UTS2B: variants seen among roughly 807,000 people sequenced by gnomAD.
UTS2B encodes urotensin-2B.
UTS2B carries 21 observed loss-of-function variants against 19.2 expected under a neutral mutation model. That is an observed-to-expected ratio of 1.09 (90% CI 0.78 to 1.58). The LOEUF (loss-of-function observed/expected upper bound fraction) is 1.58. Among genes scored for constraint, UTS2B ranks in the 40% most tolerant of loss-of-function variants. UTS2B has a pLI of 0.00. For missense variants in UTS2B, 138 were observed against 130.3 expected, an observed-to-expected ratio of 1.06 and a Z score of -0.29; for synonymous variants, 57 against 50.2, an observed-to-expected ratio of 1.14 and a Z score of -0.58.
At chr3:191,299,197 T>G (rs938067725) in intron 4 of UTS2B, among the ~76,000 whole-genome samples, 1 of 152,216 alleles carries the variant, frequency 6.6e-6, no homozygotes, top group Non-Finnish European at 1.5e-5. Context: ...CTGGGTAGAA[T>G]TTTAAGGCAG....
intron 2 of UTS2B, among the ~76,000 whole-genome samples, chr3:191,326,511 C>G (rs1277529203): frequency 6.6e-6 from 1 of 152,048 alleles, no homozygotes; most frequent in African/African-American, 2.4e-5. Flanking sequence ...AAAAAAAAAT[C>G]AATTGATGCC....
At chr3:191,329,623 G>C in intron 1 of UTS2B, 1 of 1,577,654 alleles carries the variant, frequency 6.3e-7, no homozygotes, top group Non-Finnish European at 8.6e-7. Context: ...GCTCGGCGCC[G>C]GCGGTGACCG....
intron 2 of UTS2B, among the ~76,000 whole-genome samples, chr3:191,320,025 T>G (rs1233550233): frequency 6.6e-6 from 1 of 152,120 alleles, no homozygotes; most frequent in Non-Finnish European, 1.5e-5. Flanking sequence ...CAATTATATG[T>G]CAACACTATT....
chr3:191,337,322 T>C, the UTS2B span, among the ~76,000 whole-genome samples: 1 of 152,238 alleles, frequency 6.6e-6, no homozygotes, highest in Admixed American at 6.5e-5. Context: ...TTATTGTTGA[T>C]TGAACTCTTA....
chr3:191,272,336 G>T (rs1026649484), intron 8 of UTS2B, among the ~76,000 whole-genome samples: 8 of 152,160 alleles, frequency 5.3e-5, no homozygotes, highest in African/African-American at 1.9e-4. Context: ...GAAAAATTAA[G>T]AGTTATTTTA....
the UTS2B span, among the ~76,000 whole-genome samples, chr3:191,338,490 A>T: frequency 6.6e-6 from 1 of 152,088 alleles, no homozygotes; most frequent in Non-Finnish European, 1.5e-5. Context: ...AGGGCTATTC[A>T]CTCTCAATGT....
At chr3:191,279,033 T>G (rs1716312712) in intron 5 of UTS2B, among the ~76,000 whole-genome samples, 1 of 152,084 alleles carries the variant, frequency 6.6e-6, no homozygotes, top group Non-Finnish European at 1.5e-5. Flanking sequence ...TACTGTGGTT[T>G]CAGCTAGAGA....
chr3:191,340,037 T>C, the UTS2B span, among the ~76,000 whole-genome samples: 1 of 152,352 alleles, frequency 6.6e-6, no homozygotes, highest in South Asian at 2.1e-4. Flanking sequence ...CATTTTTACA[T>C]GATGTATAAT....
the UTS2B span, among the ~76,000 whole-genome samples, chr3:191,340,467 A>T: frequency 6.6e-6 from 1 of 152,236 alleles, no homozygotes; most frequent in East Asian, 1.9e-4. Context: ...TATGCCAAAA[A>T]GTTTTAATCT....
intron 4 of UTS2B, among the ~76,000 whole-genome samples, chr3:191,291,731 C>A (rs1009322624): frequency 6.6e-6 from 1 of 152,126 alleles, no homozygotes; most frequent in South Asian, 2.1e-4. Flanking sequence ...GGATTACATG[C>A]GTGAGCCACC....
intron 3 of UTS2B, among the ~76,000 whole-genome samples, chr3:191,306,557 T>G (rs576578193): frequency 6.6e-6 from 1 of 152,252 alleles, no homozygotes; most frequent in African/African-American, 2.4e-5. Flanking sequence ...TCAGAAGACC[T>G]GCCTTGGAGT....
intron 6 of UTS2B, 43 bp downstream of exon 6, chr3:191,278,027 TTG>T: frequency 4.0e-6 from 4 of 1,008,164 alleles, no homozygotes; most frequent in Non-Finnish European, 5.7e-6. Flanking sequence ...ACAAAATAAA[TTG>T]TTATTTTTTA....
At chr3:191,300,802 C>G (rs1716979021) in intron 4 of UTS2B, among the ~76,000 whole-genome samples, 1 of 152,214 alleles carries the variant, frequency 6.6e-6, no homozygotes, top group Non-Finnish European at 1.5e-5. Flanking sequence ...TGCTCTTGCT[C>G]TGGCCATGTA....
intron 4 of UTS2B, among the ~76,000 whole-genome samples, chr3:191,286,698 C>G (rs562445535): frequency 6.6e-6 from 1 of 151,710 alleles, no homozygotes; most frequent in African/African-American, 2.4e-5. Flanking sequence ...CCTATTACAT[C>G]TCAAGAAACT....
chr3:191,275,470 G>A (rs1431150518), intron 7 of UTS2B, 125 bp from the exon 8 acceptor site: 3 of 677,490 alleles, frequency 4.4e-6, no homozygotes, highest in Non-Finnish European at 5.2e-6. Flanking sequence ...CACGAGGTCA[G>A]GCGATCAAGA....
rs79488711 is a variant in UTS2B, at chr3:191,329,141, C to G, written c.-664-432G>C. ...CCTTTTTGTTGAGGCCTTTAGGATA[C>G]AAGGCCCCCACCTAAAGACGCGACC... On this transcript the variant is annotated intron_variant, in intron 1 of 8. Transcript: ENST00000340524. The G allele has an allele frequency of 0.017, 2,586 of 156,168 alleles. 75 individuals carry two copies. Among genetic ancestry groups the G allele is most frequent in the African/African-American group, 0.059 (2,471 of 41,602 alleles). 9.7% of individuals were successfully genotyped at this position (156,168 alleles called of 1,614,324 possible). A position where few individuals can be genotyped will look rare whatever the true frequency, so the allele number is the denominator to read the frequency against.
At chr3:191,273,441 C>G (rs1315533590) in intron 8 of UTS2B, 1 of 456,212 alleles carries the variant, frequency 2.2e-6, no homozygotes, top group East Asian at 6.9e-5. Context: ...CAATGGACTT[C>G]AGTAGAAATG....
At chr3:191,301,598 T>C (rs1049125326) in intron 4 of UTS2B, among the ~76,000 whole-genome samples, 16 of 150,862 alleles carry the variant, frequency 1.1e-4, no homozygotes, top group Admixed American at 3.3e-4. Flanking sequence ...ACCATTCTCC[T>C]GCCTCAACCT....
intron 7 of UTS2B, 52 bp from the exon 8 acceptor site, chr3:191,275,397 T>G: frequency 1.3e-6 from 2 of 1,495,276 alleles, no homozygotes; most frequent in Non-Finnish European, 9.3e-7. Context: ...AACCATGCTG[T>G]TGACCGGGCG....
Sources: allele counts gnomAD v4.1 joint callset (sites outside exome capture counted in the v4.1 genomes callset), GRCh38; gene constraint gnomAD v4.1.1; transcripts MANE v1.5; gene names NCBI Gene and HGNC (gene_info 2026-07-23, HGNC 2026-07-21).